Variants in VGLL4 observed in about 807,000 individuals in gnomAD.
The protein encoded by VGLL4 is vestigial like family member 4.
VGLL4 carries 7 observed loss-of-function variants against 21.0 expected under a neutral mutation model. The observed-to-expected ratio is 0.33, with a 90% CI of 0.19 to 0.63. The LOEUF is 0.63. Ranked by LOEUF, VGLL4 falls within the 20% of genes least tolerant of loss-of-function variation. The pLI is 0.78. For missense variants in VGLL4, 394 were observed against 425.7 expected, an observed-to-expected ratio of 0.93 and a Z score of 0.66; for synonymous variants, 222 against 173.2, an observed-to-expected ratio of 1.28 and a Z score of -2.21.
intron 2 of VGLL4, among the ~76,000 whole-genome samples, chr3:11,650,601 T>C (rs1050760262): frequency 3.3e-5 from 5 of 152,014 alleles, no homozygotes; most frequent in Non-Finnish European, 7.4e-5. Context: ...TACTGCGCTA[T>C]CTGTTTCCCC....
chr3:11,690,730 A>G (rs920495903), intron 2 of VGLL4, among the ~76,000 whole-genome samples: 4 of 152,228 alleles, frequency 2.6e-5, no homozygotes, highest in Admixed American at 6.5e-5. Flanking sequence ...TTTCAAATGT[A>G]AAGATTTATT....
chr3:11,709,448 A>C (rs1171584328), intron 1 of VGLL4, among the ~76,000 whole-genome samples: 86 of 95,796 alleles, frequency 9.0e-4, no homozygotes, highest in African/African-American at 2.3e-3. Flanking sequence ...AAAAAAAAAA[A>C]AAAAAAAAAA....
At chr3:11,657,315 A>G (rs2075972361) in intron 2 of VGLL4, among the ~76,000 whole-genome samples, 1 of 152,142 alleles carries the variant, frequency 6.6e-6, no homozygotes, top group East Asian at 1.9e-4. Context: ...TGTTTTATAG[A>G]ATACACGACG....
intron 2 of VGLL4, among the ~76,000 whole-genome samples, chr3:11,598,490 CCCTT>C (rs1453907286): frequency 6.6e-6 from 1 of 152,034 alleles, no homozygotes; most frequent in Non-Finnish European, 1.5e-5. Context: ...CTCTCTCTCT[CCCTT>C]CCTTCCTTTT....
rs548746408 is a variant in VGLL4 at position 11,653,918 on chromosome 3, AAC to A, written c.64+49051_64+49052del. ...CAGAGGGATAGAATTCACCCGAGAC[AAC>A]ACAGAGGGAAGGGCCCCGGCCAGAG... is the stretch of plus-strand genomic sequence containing the variant. On this transcript the variant is annotated intron_variant, in intron 2 of 5. Coordinates refer to the VGLL4 transcript ENST00000273038. This position sits in a 1 kb window ranked among gnomAD's most constrained non-coding sequence, Gnocchi z 4.2. Among the ~76,000 whole-genome samples the A allele has an allele frequency of 2.9e-3, 447 of 151,638 alleles. 2 individuals carry two copies. Among genetic ancestry groups the A allele is most frequent in the African/African-American group, 0.01 (430 of 41,308 alleles).
At chr3:11,582,431 A>G (rs2074253204) in intron 2 of VGLL4, 2 of 1,491,134 alleles carry the variant, frequency 1.3e-6, no homozygotes, top group Admixed American at 4.3e-5. Flanking sequence ...CCCTGAAAGG[A>G]GGGTTGCGAG....
chr3:11,702,859 T>C (rs1220329148), intron 2 of VGLL4: 1 of 989,910 alleles, frequency 1.0e-6, no homozygotes, highest in Non-Finnish European at 1.4e-6. Flanking sequence ...CCACCAAAAT[T>C]AACAGCAAAT....
At chr3:11,618,179 A>G (rs754742032) in intron 1 of VGLL4, among the ~76,000 whole-genome samples, 1 of 152,066 alleles carries the variant, frequency 6.6e-6, no homozygotes, top group South Asian at 2.1e-4. Context: ...ATTCTAAAAA[A>G]TCATCATCCT....
intron 2 of VGLL4, among the ~76,000 whole-genome samples, chr3:11,674,846 AG>A (rs879781200): frequency 5.9e-5 from 9 of 152,132 alleles, no homozygotes; most frequent in Non-Finnish European, 1.0e-4. Flanking sequence ...GAAAGTAATA[AG>A]GGGGGGAAAT....
chr3:11,695,238 C>G (rs1178621811), intron 2 of VGLL4, among the ~76,000 whole-genome samples: 1 of 151,798 alleles, frequency 6.6e-6, no homozygotes, highest in Non-Finnish European at 1.5e-5. Context: ...TTAGTAGAGA[C>G]GGGGTTTCAC....
At chr3:11,652,516 G>T (rs1182317841) in intron 2 of VGLL4, among the ~76,000 whole-genome samples, 1 of 152,154 alleles carries the variant, frequency 6.6e-6, no homozygotes, top group Non-Finnish European at 1.5e-5. Flanking sequence ...TGCCCCCCGG[G>T]TTCAAGCGAT....
intron 2 of VGLL4, among the ~76,000 whole-genome samples, chr3:11,594,203 T>C (rs2074577964): frequency 6.6e-6 from 1 of 152,222 alleles, no homozygotes; most frequent in Non-Finnish European, 1.5e-5. Context: ...AGGTGGGATG[T>C]AGCTATGGCA....
intron 2 of VGLL4, among the ~76,000 whole-genome samples, chr3:11,569,534 G>A (rs548500986): frequency 6.6e-6 from 1 of 152,334 alleles, no homozygotes; most frequent in East Asian, 1.9e-4. Flanking sequence ...CATCCCCCAA[G>A]CACCAGAGTC....
intron 3 of VGLL4, among the ~76,000 whole-genome samples, chr3:11,564,030 C>T (rs548220209): frequency 1.4e-4 from 21 of 152,282 alleles, no homozygotes; most frequent in African/African-American, 4.3e-4. Context: ...CCTCGGGGCA[C>T]GGCACCATCC....
In VGLL4 at chr3:11,557,954, C is replaced by CA. The variant is rs1325553429; in HGVS notation, c.*601dup. The CA allele has an allele frequency of 6.5e-6, 1 of 153,626 alleles. No individual in the cohort carries two copies. The highest frequency in any genetic ancestry group is 1.4e-5 in the Non-Finnish European group (1 of 68,998). 9.5% of individuals were successfully genotyped at this position (153,626 alleles called of 1,614,324 possible). A position where few individuals can be genotyped will look rare whatever the true frequency, so the allele number is the denominator to read the frequency against. On this transcript the variant is annotated 3_prime_UTR_variant, in exon 5 of 5. Transcript: ENST00000430365. ...TTAAAAAAAACAAAAACAGTAACAA[C>CA]AACAAACACACAAATGGTCAGAAAT...
intron 3 of VGLL4, among the ~76,000 whole-genome samples, chr3:11,561,488 A>C (rs1348945339): frequency 6.6e-6 from 1 of 151,822 alleles, no homozygotes; most frequent in Non-Finnish European, 1.5e-5. Flanking sequence ...CCTCCCCACA[A>C]CCCAGGCTGC....
intron 2 of VGLL4, among the ~76,000 whole-genome samples, chr3:11,700,844 G>A (rs1423851916): frequency 2.6e-5 from 4 of 152,130 alleles, no homozygotes; most frequent in East Asian, 1.9e-4. Context: ...TGCCTCTCCC[G>A]AGCTCCAATT....
intron 2 of VGLL4, among the ~76,000 whole-genome samples, chr3:11,586,976 AC>A (rs760127822): frequency 2.1e-5 from 3 of 146,192 alleles, no homozygotes; most frequent in Non-Finnish European, 4.4e-5. Context: ...ATTGCACGAG[AC>A]CTGCTTCTCA....
At chr3:11,699,582 G>A (rs2076650591) in intron 2 of VGLL4, 1 of 152,216 alleles carries the variant, frequency 6.6e-6, no homozygotes, top group Admixed American at 6.5e-5. Flanking sequence ...CAAGGCGGAT[G>A]GACTGCTGGA....
Sources: gnomAD v4.1 joint callset for allele counts (sites outside exome capture counted in the v4.1 genomes callset) on GRCh38, gnomAD v4.1.1 for gene constraint, Gnocchi (gnomAD v3.1) non-coding constraint, MANE v1.5 for transcripts, NCBI Gene and HGNC (gene_info 2026-07-23, HGNC 2026-07-21) for gene names.